Variants in EIF2D observed in about 807,000 individuals in gnomAD.
EIF2D encodes the protein hepatocellular carcinoma-associated antigen 56.
Under a neutral mutation model 77.4 loss-of-function variants are expected in EIF2D, and 56 were observed. The observed-to-expected ratio is 0.72, with a 90% CI of 0.58 to 0.90. The LOEUF (loss-of-function observed/expected upper bound fraction) is 0.90. EIF2D is among the 40% of genes least tolerant of loss of function. The probability of loss-of-function intolerance (pLI) is 0.00; values close to 1 mark genes in which losing one functional copy is unlikely to be tolerated. For synonymous variants in EIF2D, 230 were observed against 271.0 expected, an observed-to-expected ratio of 0.85 and a Z score of 1.49; for missense variants, 574 against 706.5, an observed-to-expected ratio of 0.81 and a Z score of 2.13.
chr1:206,604,298 C>T (rs1283339749), intron 5 of EIF2D, among the ~76,000 whole-genome samples: 4 of 151,894 alleles, frequency 2.6e-5, no homozygotes, highest in Admixed American at 1.3e-4. Flanking sequence ...AAAAAATTAG[C>T]CGGATGTTTT....
Position 206,585,209 on chromosome 1 carries a change from C to T in EIF2D, c.139-4047G>A, listed in dbSNP as rs561503861. 32 of 1,614,114 alleles carry T rather than the reference C, an allele frequency of 2.0e-5. No homozygotes were observed. The South Asian group carries it at 2.7e-4, about 14-fold the overall frequency. The stretch of plus-strand genomic sequence containing the variant: ...CTTCCAGAAACTCTCCATTGCTGAC[C>T]GCCCCCTCTACCTGCGCCTGCTTGC... On this transcript the variant is annotated intron_variant and NMD_transcript_variant, in intron 2 of 5. Transcript: ENST00000472709.
chr1:206,608,563 G>A (rs899784539), intron 3 of EIF2D, among the ~76,000 whole-genome samples: 7 of 152,142 alleles, frequency 4.6e-5, no homozygotes, highest in African/African-American at 1.7e-4. Context: ...CTCCCCTTAG[G>A]GGGCTAAAGG....
chr1:206,570,532 T>G (rs185052509), downstream of EIF2D, among the ~76,000 whole-genome samples: 32 of 151,976 alleles, frequency 2.1e-4, no homozygotes, highest in African/African-American at 7.0e-4. Context: ...AGTAACTCCC[T>G]ACCAATTAAA....
chr1:206,606,008 T>A (rs1670186368), intron 4 of EIF2D, among the ~76,000 whole-genome samples: 1 of 152,206 alleles, frequency 6.6e-6, no homozygotes, highest in South Asian at 2.1e-4. Context: ...AAGTTGACTT[T>A]ATAAGAGGGG....
chr1:206,574,233 G>A (rs376839941), intron 4 of EIF2D, among the ~76,000 whole-genome samples: 54 of 152,332 alleles, frequency 3.5e-4, no homozygotes, highest in South Asian at 1.5e-3. Flanking sequence ...AGGAGTCTGC[G>A]GGAGTGGCCT....
chr1:206,609,274 T>C, intron 3 of EIF2D, 102 bp downstream of exon 3: 1 of 1,232,490 alleles, frequency 8.1e-7, no homozygotes, highest in South Asian at 1.3e-5. Flanking sequence ...AAATTCCATT[T>C]TTCAACCACA....
At chr1:206,597,311 T>C (rs1669699240) in intron 11 of EIF2D, 116 bp from the exon 12 acceptor site, 2 of 713,480 alleles carry the variant, frequency 2.8e-6, no homozygotes, top group Admixed American at 2.4e-5. Context: ...ATGAATCAAT[T>C]ATGGGCCCAC....
chr1:206,591,021 C>T (rs12078387), downstream of EIF2D, among the ~76,000 whole-genome samples: 2,157 of 152,256 alleles, frequency 0.014, 60 homozygotes, highest in African/African-American at 0.049. Flanking sequence ...AATGATCGTA[C>T]AAAATCTGTG....
At chr1:206,572,461 G>A (rs1553404375) in intron 5 of EIF2D, 1 of 152,212 alleles carries the variant, frequency 6.6e-6, no homozygotes, top group Non-Finnish European at 1.5e-5. Flanking sequence ...AGAGAGGAAG[G>A]GAGTCTGTCC....
chr1:206,608,186 C>G (rs1226215725), intron 4 of EIF2D, 50 bp downstream of exon 4: 1 of 1,554,632 alleles, frequency 6.4e-7, no homozygotes, highest in Non-Finnish European at 8.8e-7. Context: ...CCTCCAACTT[C>G]TCTTTTACAC....
At chr1:206,590,596 A>C (rs1553408769), downstream of EIF2D, among the ~76,000 whole-genome samples, 1 of 152,056 alleles carries the variant, frequency 6.6e-6, no homozygotes. Flanking sequence ...GCCGGTAGAG[A>C]TAGGATTAGT....
rs1669970931 is a variant in EIF2D at position 206,602,423 on chromosome 1, A to C, written c.815T>G (p.Phe272Cys). Residue 272 changes from phenylalanine (F) to cysteine (C), a missense_variant, in exon 7 of 15, where the codon TTC (phenylalanine) becomes TGC (cysteine). Coordinates refer to ENST00000271764, the MANE Select transcript of EIF2D (RefSeq NM_006893.3). ...EQMDELLQQC[F>C]LHALKCRVKK... ...GACTCGGCACTTCAAGGCATGTAAGAAGCATTGCTGTAACAGCTCATCCAT... is the reference window on the plus strand; with the variant it reads ...GACTCGGCACTTCAAGGCATGTAAGCAGCATTGCTGTAACAGCTCATCCAT... 1.2e-6 allele frequency: 2 copies of C among 1,614,252 alleles called. No homozygotes were observed. Among genetic ancestry groups the C allele is most frequent in the East Asian group, 4.5e-5 (2 of 44,888 alleles).
downstream of EIF2D, among the ~76,000 whole-genome samples, chr1:206,590,006 C>T (rs782493659): frequency 6.6e-6 from 1 of 152,174 alleles, no homozygotes; most frequent in Non-Finnish European, 1.5e-5. Flanking sequence ...GCACTTTCTG[C>T]TTTTCATTGA....
In EIF2D at chr1:206,591,765, A is replaced by G; in HGVS notation, c.*10T>C. 1 of 1,613,972 alleles carries G rather than the reference A, an allele frequency of 6.2e-7. No homozygotes were observed. Among genetic ancestry groups the G allele is most frequent in the Non-Finnish European group, 8.5e-7 (1 of 1,179,800 alleles). On this transcript the variant is annotated 3_prime_UTR_variant, in exon 15 of 15. Transcript: ENST00000271764. ...TCCACCGGATCCACCACGTGAGACA[A>G]AAGAGTCTGTCACTTCTTCTTGCCA...
At chr1:206,580,469 A>C (rs1210175812) in intron 4 of EIF2D, among the ~76,000 whole-genome samples, 1 of 152,156 alleles carries the variant, frequency 6.6e-6, no homozygotes, top group East Asian at 1.9e-4. Flanking sequence ...GGGTCTTTCT[A>C]ATTAGAAGCT....
At chr1:206,581,473 C>A (rs1553406318) in intron 2 of EIF2D, among the ~76,000 whole-genome samples, 4 of 152,056 alleles carry the variant, frequency 2.6e-5, no homozygotes, top group African/African-American at 9.7e-5. Context: ...GTGGTGCGCA[C>A]CTGTAATCCC....
chr1:206,582,545 CA>C (rs1199715445), intron 2 of EIF2D, among the ~76,000 whole-genome samples: 2 of 152,216 alleles, frequency 1.3e-5, no homozygotes, highest in South Asian at 2.1e-4. Flanking sequence ...GTACTTGGCA[CA>C]GAAGAAGTGC....
chr1:206,608,462 A>G (rs1366933681), intron 3 of EIF2D, 136 bp from the exon 4 acceptor site: 1 of 689,726 alleles, frequency 1.4e-6, no homozygotes, highest in African/African-American at 1.8e-5. Flanking sequence ...AAAAATGAAA[A>G]ATGGCAACTT....
chr1:206,603,992 A>C (rs549612321), intron 5 of EIF2D, among the ~76,000 whole-genome samples: 1 of 152,246 alleles, frequency 6.6e-6, no homozygotes, highest in Non-Finnish European at 1.5e-5. Context: ...AGCTGCTGCT[A>C]AAACAACTTA....
Sources: allele counts gnomAD v4.1 joint callset (sites outside exome capture counted in the v4.1 genomes callset), GRCh38; gene constraint gnomAD v4.1.1; transcripts MANE v1.5; gene names NCBI Gene and HGNC (gene_info 2026-07-23, HGNC 2026-07-21).